NIBAN3: variants seen among roughly 807,000 people sequenced by gnomAD.
The protein encoded by NIBAN3 is protein Niban 3.
In NIBAN3, 66 loss-of-function variants were observed where a neutral mutation model predicts 76.4. The ratio of observed to expected loss-of-function variants is 0.86; its 90% confidence interval spans 0.71 to 1.06. The LOEUF is 1.06. Ranked by LOEUF, NIBAN3 falls within the 50% of genes least tolerant of loss-of-function variation. The pLI, the probability that NIBAN3 is intolerant of heterozygous loss-of-function variation, is 0.00. For synonymous variants in NIBAN3, 360 were observed against 355.2 expected, an observed-to-expected ratio of 1.01 and a Z score of -0.15; for missense variants, 808 against 810.7, an observed-to-expected ratio of 1.00 and a Z score of 0.04.
chr19:17,527,288 C>T lies in NIBAN3; in HGVS notation c.-53C>T, dbSNP rs753211483. On this transcript the variant is annotated 5_prime_UTR_variant, in exon 1 of 15. The change creates a new upstream start codon in the 5' untranslated region. Transcript: ENST00000599164. ...ATCCAGGTGCCCCTGAGCCGAGGAA[C>T]GCAGGCGGTGGTCGTGGGGAAGGGA... 12 of 1,550,568 alleles carry T rather than the reference C, an allele frequency of 7.7e-6. No homozygotes were observed. The highest frequency in any genetic ancestry group is 3.6e-5 in the South Asian group (3 of 84,028).
chr19:17,530,932 C>T, intron 2 of NIBAN3, 47 bp downstream of exon 2: 1 of 1,587,402 alleles, frequency 6.3e-7, no homozygotes, highest in Admixed American at 1.7e-5. Flanking sequence ...GGGGAGGGTC[C>T]TGGAGGAGCC....
intron 14 of NIBAN3, among the ~76,000 whole-genome samples, chr19:17,550,833 C>G (rs2076141724): frequency 7.8e-6 from 1 of 127,560 alleles, no homozygotes; most frequent in African/African-American, 2.8e-5. Context: ...AGGGATTAAT[C>G]TTGTACATAC....
rs71162150 is a variant in NIBAN3, at chr19:17,545,161, ATTTATTTTATTTTATTTTAT to A, written c.1555-1486_1555-1467del. On this transcript the variant is annotated intron_variant, in intron 12 of 14. Coordinates refer to ENST00000599164, the MANE Select transcript of NIBAN3 (RefSeq NM_001321827.2). Reference sequence around the variant, plus strand: ...CTGGGTGACAGAGAGAGACTATTTTATTTATTTTATTTTATTTTATTTTATTTTATTTTATTTTATTTTAT... The same window carrying A: ...CTGGGTGACAGAGAGAGACTATTTTATTTATTTTATTTTATTTTATTTTAT... 6.5e-3 allele frequency: 865 copies of A among 133,348 alleles called. 13 individuals carry two copies. Among genetic ancestry groups the A allele is most frequent in the African/African-American group, 0.021 (757 of 35,702 alleles). The allele number at this position is 133,348 out of a possible 1,614,324, so 8.3% of individuals were successfully genotyped here. A position where few individuals can be genotyped will look rare whatever the true frequency, so the allele number is the denominator to read the frequency against.
At chr19:17,546,424 T>A in intron 12 of NIBAN3, 1 of 372,834 alleles carries the variant, frequency 2.7e-6, no homozygotes, top group South Asian at 9.8e-5. Flanking sequence ...ACCATGTTGG[T>A]CAGGCTGGTC....
intron 14 of NIBAN3, among the ~76,000 whole-genome samples, chr19:17,551,166 G>C (rs1304105168): frequency 3.3e-5 from 5 of 151,806 alleles, no homozygotes; most frequent in African/African-American, 1.2e-4. Flanking sequence ...CAGCATCTTG[G>C]CTCACTGTAA....
At chr19:17,536,715 T>G (rs2075830849) in intron 4 of NIBAN3, among the ~76,000 whole-genome samples, 1 of 152,176 alleles carries the variant, frequency 6.6e-6, no homozygotes, top group South Asian at 2.1e-4. Context: ...CCCAAATAAA[T>G]TAACCAAAGC....
At chr19:17,541,247 ATACATAC>A in intron 9 of NIBAN3, among the ~76,000 whole-genome samples, 1 of 146,398 alleles carries the variant, frequency 6.8e-6, no homozygotes, top group East Asian at 1.9e-4. Flanking sequence ...ACATACATAC[ATACATAC>A]ATACATACAT....
At chr19:17,549,929 G>C (rs1280956151) in intron 14 of NIBAN3, 1 of 373,094 alleles carries the variant, frequency 2.7e-6, no homozygotes, top group African/African-American at 2.1e-5. Context: ...TGAATCTCCT[G>C]CCTCAGCCTC....
At chr19:17,530,328 A>C in intron 1 of NIBAN3, among the ~76,000 whole-genome samples, 1 of 143,230 alleles carries the variant, frequency 7.0e-6, no homozygotes, top group South Asian at 2.2e-4. Flanking sequence ...AAAACAAAAA[A>C]CAAAAAACAA....
chr19:17,528,667 G>A (rs1294110696), intron 1 of NIBAN3, among the ~76,000 whole-genome samples: 2 of 152,088 alleles, frequency 1.3e-5, no homozygotes, highest in Non-Finnish European at 2.9e-5. Flanking sequence ...CTGGGCGCTG[G>A]GGACATTGTG....
rs563622068 is a variant in NIBAN3, at chr19:17,527,405, C to T, written c.55+10C>T. 9.6e-6 allele frequency: 7 copies of T among 729,854 alleles called. No individual in the cohort carries two copies. Among genetic ancestry groups the T allele is most frequent in the Admixed American group, 5.0e-5 (2 of 40,300 alleles). The allele number at this position is 729,854 out of a possible 1,614,324, so 45.2% of individuals were successfully genotyped here. The stretch of plus-strand genomic sequence containing the variant: ...CGGCAGCACCTAAGGGGTGAGCAGC[C>T]GGGGAGGGGACAGGGTGGGAGTCCA... On this transcript the variant is annotated intron_variant, in intron 1 of 14. Coordinates refer to ENST00000599164, the MANE Select transcript of NIBAN3 (RefSeq NM_001321827.2).
intron 13 of NIBAN3, among the ~76,000 whole-genome samples, chr19:17,547,719 G>A (rs2076085137): frequency 6.6e-6 from 1 of 151,494 alleles, no homozygotes; most frequent in African/African-American, 2.4e-5. Flanking sequence ...CCAGGCAGGA[G>A]TGCAATGGCA....
At chr19:17,546,052 C>T (rs1599753003) in intron 12 of NIBAN3, 1 of 359,592 alleles carries the variant, frequency 2.8e-6, no homozygotes, top group Non-Finnish European at 5.7e-6. Flanking sequence ...GACCAAGGAG[C>T]CCTTCTGCTG....
rs1398784181 is a variant in NIBAN3 at position 17,553,640 on chromosome 19, A to C, written c.*1742A>C. 7.9e-7 allele frequency: 1 copy of C among 1,267,532 alleles called. No individual in the cohort carries two copies. The highest frequency in any genetic ancestry group is 1.2e-5 in the South Asian group (1 of 81,152). 78.5% of individuals were successfully genotyped at this position (1,267,532 alleles called of 1,614,324 possible). On this transcript the variant is annotated 3_prime_UTR_variant, in exon 15 of 15. Transcript: ENST00000599164. Reference sequence around the variant, plus strand: ...CATTTGCTCAATACATTTGCACTTCATAGGCTTCTTTAGCTGTCTTCCTTT... The same window carrying C: ...CATTTGCTCAATACATTTGCACTTCCTAGGCTTCTTTAGCTGTCTTCCTTT...
upstream of NIBAN3, among the ~76,000 whole-genome samples, chr19:17,525,530 C>G (rs2075596996): frequency 6.6e-6 from 1 of 152,164 alleles, no homozygotes; most frequent in Admixed American, 6.6e-5. Flanking sequence ...GACGGCTCTC[C>G]AAGGGGCTGG....
chr19:17,546,889 T>A, intron 13 of NIBAN3, 92 bp downstream of exon 13: 1 of 1,452,546 alleles, frequency 6.9e-7, no homozygotes, highest in Non-Finnish European at 9.3e-7. Context: ...TCTCACTTCC[T>A]GTGAATACTT....
rs1010300022 is a variant in NIBAN3, at chr19:17,547,603, T to G, written c.1666+806T>G. Among the ~76,000 whole-genome samples the G allele has an allele frequency of 8.6e-4, 131 of 151,538 alleles. 1 individual carries two copies. Among genetic ancestry groups the G allele is most frequent in the African/African-American group, 3.1e-3 (128 of 41,364 alleles). ...CTCCTGACATCGTGATCCTCCCCCC[T>G]TGGGCTCCCAAAGTGCTGGGATTAC... On this transcript the variant is annotated intron_variant, in intron 13 of 14. Transcript: ENST00000599164.
chr19:17,533,655 G>A lies in NIBAN3; in HGVS notation c.381G>A (p.Gln127=), dbSNP rs143255653. The change falls in exon 4 of 15, where the codon CAG becomes CAA. Residue 127 remains glutamine, a synonymous_variant. Coordinates refer to ENST00000599164, the MANE Select transcript of NIBAN3 (RefSeq NM_001321827.2). ...ALTGYTLLTS[Q]REYLRLLDAL... ...CAGGATACACGCTCCTGACTTCCCAGCGAGAATATCTCCGCCTTTTGGATG... is the reference window on the plus strand; with the variant it reads ...CAGGATACACGCTCCTGACTTCCCAACGAGAATATCTCCGCCTTTTGGATG... 127 of 1,614,110 alleles carry A rather than the reference G, an allele frequency of 7.9e-5. No homozygotes were observed. The African/African-American group carries it at 1.3e-3, about 16-fold the overall frequency.
At position 17,542,328 on chromosome 19, in the gene NIBAN3, C is replaced by T; in HGVS notation, c.1329+34C>T. 6.4e-7 allele frequency: 1 copy of T among 1,564,880 alleles called. No individual in the cohort carries two copies. Among genetic ancestry groups the T allele is most frequent in the Non-Finnish European group, 8.6e-7 (1 of 1,156,940 alleles). ...GAGAGGAGGCTGGGATGAGGCCAGG[C>T]TGTGAAGACAGCCTCCACTGACCTC... On this transcript the variant is annotated intron_variant, in intron 10 of 14. Transcript: ENST00000599164. This position sits in a 1 kb window ranked among gnomAD's most constrained non-coding sequence, Gnocchi z 4.8.
Sources: allele counts gnomAD v4.1 joint callset (sites outside exome capture counted in the v4.1 genomes callset), GRCh38; gene constraint gnomAD v4.1.1; non-coding constraint Gnocchi (gnomAD v3.1); transcripts MANE v1.5; gene names NCBI Gene and HGNC (gene_info 2026-07-23, HGNC 2026-07-21).